The following WDPCP variants were observed in gnomAD, a reference collection of about 807,000 sequenced individuals.
WDPCP encodes the protein WD repeat-containing and planar cell polarity effector protein fritz homolog.
Under a neutral mutation model 93.1 loss-of-function variants are expected in WDPCP, and 71 were observed. The observed-to-expected ratio is 0.76, with a 90% confidence interval of 0.63 to 0.93. WDPCP has a LOEUF of 0.93. Ranked by LOEUF, WDPCP falls within the 40% of genes least tolerant of loss-of-function variation. The pLI, the probability that WDPCP is intolerant of heterozygous loss-of-function variation, is 0.00. For missense variants in WDPCP, 844 were observed against 887.4 expected (o/e 0.95, Z 0.62); for synonymous variants, 315 against 315.0 (o/e 1.00, Z 0.00).
At position 63,648,359 on chromosome 2, in the gene WDPCP, T is replaced by G. The variant is rs967335579; in HGVS notation, n.488+2300A>C. On this transcript the variant is annotated intron_variant and non_coding_transcript_variant, in intron 3 of 4. Transcript: ENST00000467687. ...TACTGGCCAAATCTGGACTCGTTGGTCACTTTAAAATTCATCAGTATTCTT... is the reference window on the plus strand; with the variant it reads ...TACTGGCCAAATCTGGACTCGTTGGGCACTTTAAAATTCATCAGTATTCTT... Among the ~76,000 whole-genome samples the G allele has an allele frequency of 2.0e-5, 3 of 152,204 alleles. No individual in the cohort carries two copies. The South Asian group carries it at 6.2e-4, about 32-fold the overall frequency.
chr2:63,452,841 G>A (rs1698353106), intron 6 of WDPCP, among the ~76,000 whole-genome samples: 2 of 152,148 alleles, frequency 1.3e-5, no homozygotes, highest in African/African-American at 2.4e-5. Flanking sequence ...AAGAAATGGG[G>A]AAACAACTCC....
intron 14 of WDPCP, among the ~76,000 whole-genome samples, chr2:63,210,632 G>C (rs370472707): frequency 5.9e-5 from 9 of 152,182 alleles, no homozygotes; most frequent in East Asian, 3.9e-4. Flanking sequence ...GCAGCCCATG[G>C]ACTGTGAGCC....
chr2:63,571,366 T>C (rs1332306877), intron 1 of WDPCP: 1 of 459,200 alleles, frequency 2.2e-6, no homozygotes, highest in Admixed American at 2.4e-5. Context: ...TATTTACCCA[T>C]ATACTTACCA....
intron 1 of WDPCP, among the ~76,000 whole-genome samples, chr2:63,527,222 C>CTTTTTT (rs71393312): frequency 7.2e-6 from 1 of 138,570 alleles, no homozygotes. Flanking sequence ...GGCAGGCATG[C>CTTTTTT]TTTTTTTTTT....
intron 6 of WDPCP, among the ~76,000 whole-genome samples, chr2:63,472,415 T>C (rs958755422): frequency 2.0e-5 from 3 of 152,004 alleles, no homozygotes; most frequent in Non-Finnish European, 4.4e-5. Context: ...GACTTAATAT[T>C]CTAATTTTTT....
chr2:63,580,753 C>T (rs1025411795), intron 1 of WDPCP, among the ~76,000 whole-genome samples: 3 of 152,142 alleles, frequency 2.0e-5, no homozygotes, highest in East Asian at 1.9e-4. Flanking sequence ...CAACTGGCAG[C>T]GTGTCAACAG....
chr2:63,440,689 A>G (rs893261584), intron 6 of WDPCP: 1 of 152,634 alleles, frequency 6.6e-6, no homozygotes, highest in African/African-American at 2.4e-5. Context: ...TGAAATATCA[A>G]CATTGGAAGA....
chr2:63,313,886 A>ATATATATATATATATATAT, intron 12 of WDPCP, among the ~76,000 whole-genome samples: 1 of 74,502 alleles, frequency 1.3e-5, no homozygotes, highest in Non-Finnish European at 2.6e-5. Context: ...ATATATATAT[A>ATATATATATATATATATAT]TTTTTTTTTT....
At chr2:63,126,666 G>GTTTTT (rs763749429) in intron 17 of WDPCP, among the ~76,000 whole-genome samples, 10 of 98,112 alleles carry the variant, frequency 1.0e-4, no homozygotes, top group African/African-American at 2.2e-4. Context: ...CTTGTTTTGT[G>GTTTTT]TTTTTTTTTT....
At chr2:63,392,706 C>A (rs1693370399) in intron 10 of WDPCP, among the ~76,000 whole-genome samples, 1 of 152,044 alleles carries the variant, frequency 6.6e-6, no homozygotes, top group African/African-American at 2.4e-5. Context: ...AACAAACAAC[C>A]CCATCAAAAA....
intron 9 of WDPCP, among the ~76,000 whole-genome samples, chr2:63,425,991 CT>C (rs1330734651): frequency 4.6e-5 from 7 of 152,164 alleles, no homozygotes; most frequent in African/African-American, 1.7e-4. Flanking sequence ...GGTCAGGTCA[CT>C]TACAAAGGGA....
intron 14 of WDPCP, among the ~76,000 whole-genome samples, chr2:63,211,698 C>G (rs13030879): frequency 6.6e-6 from 1 of 151,952 alleles, no homozygotes; most frequent in South Asian, 2.1e-4. Flanking sequence ...TTGAACCCAT[C>G]GCAAAGAAGC....
rs753681723 is a variant in WDPCP, at chr2:63,404,057, A to G, written c.1426T>C (p.Phe476Leu). 6.2e-7 allele frequency: 1 copy of G among 1,614,094 alleles called. No homozygotes were observed. Among genetic ancestry groups the G allele is most frequent in the South Asian group, 1.1e-5 (1 of 91,082 alleles). The part of the protein sequence containing the change: ...FERGPLGVLL[F>L]KLGVFTRGQL... Reference sequence around the variant, plus strand: ...ACTTTCCTTGACTTACCTAGTTTAAACAACAGCACACCCAAAGGTCCTCTT... The same window carrying G: ...ACTTTCCTTGACTTACCTAGTTTAAGCAACAGCACACCCAAAGGTCCTCTT... The change falls in exon 10 of 18, where the codon TTT becomes CTT. Residue 476 changes from phenylalanine (F) to leucine (L), a missense_variant. Physicochemically the swap from Phe to Leu is conservative, Grantham distance 22 (BLOSUM62 0). Coordinates refer to ENST00000272321, the MANE Select transcript of WDPCP (RefSeq NM_015910.7).
chr2:63,129,902 A>C (rs866838251), intron 17 of WDPCP, among the ~76,000 whole-genome samples: 1 of 152,196 alleles, frequency 6.6e-6, no homozygotes, highest in Non-Finnish European at 1.5e-5. Context: ...TCATTGTTAT[A>C]CTGTATTATT....
chr2:63,445,919 G>A (rs1469435775), intron 6 of WDPCP, among the ~76,000 whole-genome samples: 4 of 152,074 alleles, frequency 2.6e-5, no homozygotes, highest in African/African-American at 9.7e-5. Flanking sequence ...AAAAACAATA[G>A]TAATAAGGTT....
chr2:63,823,749 T>C (rs1671065673), intron 1 of WDPCP, among the ~76,000 whole-genome samples: 1 of 152,192 alleles, frequency 6.6e-6, no homozygotes, highest in Non-Finnish European at 1.5e-5. Context: ...AATTTTGTTA[T>C]ACTCAATGGA....
intron 13 of WDPCP, among the ~76,000 whole-genome samples, chr2:63,260,945 A>G (rs1421966499): frequency 6.6e-6 from 1 of 152,224 alleles, no homozygotes; most frequent in African/African-American, 2.4e-5. Context: ...AATGGTTTTT[A>G]CATTTTTAAT....
intron 3 of WDPCP, among the ~76,000 whole-genome samples, chr2:63,606,437 T>C (rs558772156): frequency 6.6e-6 from 1 of 152,304 alleles, no homozygotes; most frequent in South Asian, 2.1e-4. Flanking sequence ...AAAATAGACA[T>C]TTTTCTCAGC....
At chr2:63,322,014 G>A (rs1687138483) in intron 12 of WDPCP, among the ~76,000 whole-genome samples, 1 of 152,184 alleles carries the variant, frequency 6.6e-6, no homozygotes, top group South Asian at 2.1e-4. Flanking sequence ...ACTGAGAGGT[G>A]AAGCCAGCTG....
Sources: allele counts gnomAD v4.1 joint callset (sites outside exome capture counted in the v4.1 genomes callset), GRCh38; gene constraint gnomAD v4.1.1; transcripts MANE v1.5; gene names NCBI Gene and HGNC (gene_info 2026-07-23, HGNC 2026-07-21).